ENTHD1: variants seen among roughly 807,000 people sequenced by gnomAD.
ENTHD1 encodes the protein ENTH domain-containing protein 1.
In ENTHD1, 23 loss-of-function variants were observed where a neutral mutation model predicts 39.1. The observed-to-expected ratio is 0.59, with a 90% confidence interval of 0.42 to 0.83. The LOEUF (loss-of-function observed/expected upper bound fraction) is 0.83, where lower values mean the gene tolerates loss of function less well. Ranked by LOEUF, ENTHD1 falls within the 40% of genes least tolerant of loss-of-function variation. ENTHD1 has a pLI of 0.00. For missense variants in ENTHD1, 624 were observed against 705.4 expected, an observed-to-expected ratio of 0.88 and a Z score of 1.31; for synonymous variants, 230 against 258.2, an observed-to-expected ratio of 0.89 and a Z score of 1.05.
chr22:39,744,120 A>C lies in ENTHD1; in HGVS notation c.1383T>G (p.Asp461Glu). 6.2e-7 allele frequency: 1 copy of C among 1,614,152 alleles called. No homozygotes were observed. Among genetic ancestry groups the C allele is most frequent in the Non-Finnish European group, 8.5e-7 (1 of 1,179,998 alleles). The change falls in exon 7 of 7, where the codon GAT (aspartate) becomes GAG (glutamate). Residue 461 changes from aspartate (D) to glutamate (E), a missense_variant. Transcript: ENST00000325157. Reference protein sequence around the residue: ...HQQLSSTSFKDEDKTAKLHHS... With the variant: ...HQQLSSTSFKEEDKTAKLHHS... The stretch of plus-strand genomic sequence containing the variant: ...GATGCAGCTTGGCTGTCTTATCTTC[A>C]TCTTTAAAGGAGGTAGAAGACAACT...
At chr22:39,868,087 AG>A (rs2066204213) in intron 2 of ENTHD1, among the ~76,000 whole-genome samples, 1 of 151,968 alleles carries the variant, frequency 6.6e-6, no homozygotes. Flanking sequence ...AAGCCTGGGA[AG>A]AAAAGGAGAA....
intron 5 of ENTHD1, among the ~76,000 whole-genome samples, chr22:39,768,839 C>T (rs1429602880): frequency 1.3e-5 from 2 of 152,038 alleles, no homozygotes; most frequent in Non-Finnish European, 2.9e-5. Context: ...TTAGTACCCA[C>T]TGTTTGTACT....
At position 39,821,113 on chromosome 22, in the gene ENTHD1, C is replaced by T. The variant is rs2065779891; in HGVS notation, c.712G>A (p.Asp238Asn). ...LKIHGWKSTE[D>N]LMTFLDDDPE... The stretch of plus-strand genomic sequence containing the variant: ...TCATCATCCAAAAATGTCATCAGGT[C>T]CTGACAGAAAACACAAGAACATGAG... Residue 238 changes from aspartate to asparagine, a missense_variant and splice_region_variant, in exon 5 of 7, where the codon GAC (aspartate) becomes AAC (asparagine). Physicochemically the swap from Asp to Asn is conservative, Grantham distance 23 (BLOSUM62 1). Coordinates refer to ENST00000325157, the MANE Select transcript of ENTHD1 (RefSeq NM_152512.4). 6.2e-7 allele frequency: 1 copy of T among 1,613,548 alleles called. No homozygotes were observed.
chr22:39,821,083 C>A lies in ENTHD1; in HGVS notation c.742G>T (p.Glu248Ter). The change falls in exon 5 of 7, where the codon GAG (glutamate) becomes TAG (stop). Residue 248 changes from glutamate to a stop codon, truncating the protein, a stop_gained. Coordinates refer to ENST00000325157, the MANE Select transcript of ENTHD1 (RefSeq NM_152512.4). LOFTEE classifies it high-confidence loss of function. ...GGAGGTGTTGCTAGTAAAGGCAGCT[C>A]TGGATCATCATCCAAAAATGTCATC... Reference protein sequence around the residue: ...DLMTFLDDDPELPLLATPPSI... With the variant: ...DLMTFLDDDP 2 of 1,614,066 alleles carry A rather than the reference C, an allele frequency of 1.2e-6. No homozygotes were observed.
At chr22:39,857,268 C>A (rs974775794) in intron 3 of ENTHD1, among the ~76,000 whole-genome samples, 3 of 151,758 alleles carry the variant, frequency 2.0e-5, no homozygotes, top group East Asian at 3.9e-4. Flanking sequence ...CATGAAGGAA[C>A]CCCGTCTCTA....
At chr22:39,846,160 A>G (rs1428363667) in intron 3 of ENTHD1, among the ~76,000 whole-genome samples, 1 of 152,210 alleles carries the variant, frequency 6.6e-6, no homozygotes, top group Non-Finnish European at 1.5e-5. Context: ...AAAGATTTAA[A>G]ATGCCAGACC....
chr22:39,746,695 A>G (rs1471955857), intron 6 of ENTHD1, among the ~76,000 whole-genome samples: 2 of 152,116 alleles, frequency 1.3e-5, no homozygotes, highest in African/African-American at 4.8e-5. Context: ...AAGTTATCCT[A>G]TCTCCTACCT....
intron 3 of ENTHD1, among the ~76,000 whole-genome samples, chr22:39,839,478 G>A (rs1014891654): frequency 6.6e-6 from 1 of 152,168 alleles, no homozygotes; most frequent in South Asian, 2.1e-4. Context: ...AAATTACTCC[G>A]AGCAGAAGGA....
intron 5 of ENTHD1, among the ~76,000 whole-genome samples, chr22:39,767,378 T>C (rs1192471221): frequency 1.3e-5 from 2 of 152,108 alleles, no homozygotes; most frequent in African/African-American, 4.8e-5. Context: ...TAGTCCCAGC[T>C]ACTGGGAGGC....
chr22:39,778,368 C>T (rs2065381966), intron 5 of ENTHD1, among the ~76,000 whole-genome samples: 1 of 152,138 alleles, frequency 6.6e-6, no homozygotes, highest in Admixed American at 6.6e-5. Context: ...AACTGGTATA[C>T]TATGTAAATA....
At chr22:39,886,117 G>C (rs2066377275) in intron 2 of ENTHD1, among the ~76,000 whole-genome samples, 1 of 151,828 alleles carries the variant, frequency 6.6e-6, no homozygotes, top group African/African-American at 2.4e-5. Context: ...AAAGAACATG[G>C]AGGAATCTTA....
intron 5 of ENTHD1, among the ~76,000 whole-genome samples, chr22:39,819,452 A>G (rs2065762145): frequency 6.6e-6 from 1 of 152,064 alleles, no homozygotes. Flanking sequence ...GATATGGAGG[A>G]ACCCAGAGTG....
At chr22:39,858,260 A>G (rs1023679881) in intron 3 of ENTHD1, among the ~76,000 whole-genome samples, 1 of 152,242 alleles carries the variant, frequency 6.6e-6, no homozygotes, top group African/African-American at 2.4e-5. Flanking sequence ...TTGCTCATCC[A>G]TAAGAAGTAT....
At chr22:39,829,222 C>A (rs1270515345) in intron 4 of ENTHD1, among the ~76,000 whole-genome samples, 1 of 152,074 alleles carries the variant, frequency 6.6e-6, no homozygotes, top group Admixed American at 6.6e-5. Context: ...TGTTATAATA[C>A]AGTGATGCTT....
At chr22:39,802,680 G>A (rs769643415) in intron 5 of ENTHD1, among the ~76,000 whole-genome samples, 2 of 152,182 alleles carry the variant, frequency 1.3e-5, no homozygotes, top group Non-Finnish European at 2.9e-5. Context: ...AGAAGGGCAA[G>A]AGAAGAGCAA....
At position 39,887,723 on chromosome 22, in the gene ENTHD1, T is replaced by G; in HGVS notation, c.26A>C (p.Asn9Thr). ...AGCATCTGAGTAATTTTTCACAAAG[T>G]TTTTCACTTGTCTCCTGAACGCCAT... MAFRRQVK[N>T]FVKNYSDAEI... The change falls in exon 2 of 7, where the codon AAC becomes ACC. Residue 9 changes from asparagine (N) to threonine (T), a missense_variant. Transcript: ENST00000325157. The G allele has an allele frequency of 6.3e-7, 1 of 1,581,460 alleles. No individual in the cohort carries two copies. Among genetic ancestry groups the G allele is most frequent in the South Asian group, 1.2e-5 (1 of 85,016 alleles).
intron 6 of ENTHD1, among the ~76,000 whole-genome samples, chr22:39,764,315 A>T (rs1426771523): frequency 6.6e-6 from 1 of 152,032 alleles, no homozygotes; most frequent in African/African-American, 2.4e-5. Flanking sequence ...CTCCACACAC[A>T]CAAAAATAAA....
chr22:39,873,272 A>G (rs571801692), intron 2 of ENTHD1, among the ~76,000 whole-genome samples: 10 of 152,190 alleles, frequency 6.6e-5, no homozygotes, highest in Non-Finnish European at 1.3e-4. Context: ...ATTGAGAATT[A>G]AAAAAACACA....
chr22:39,883,097 A>G (rs1444997445), intron 2 of ENTHD1, among the ~76,000 whole-genome samples: 1 of 152,002 alleles, frequency 6.6e-6, no homozygotes, highest in African/African-American at 2.4e-5. Flanking sequence ...AATCTTTTTC[A>G]TTAATTTTTA....
Sources: allele counts gnomAD v4.1 joint callset (sites outside exome capture counted in the v4.1 genomes callset), GRCh38; gene constraint gnomAD v4.1.1; transcripts MANE v1.5; gene names NCBI Gene and HGNC (gene_info 2026-07-23, HGNC 2026-07-21).